The following STEAP3 variants were observed in gnomAD, a reference collection of about 807,000 sequenced individuals.
The protein encoded by STEAP3 is STEAP3 metalloreductase.
In STEAP3, 35 loss-of-function variants were observed where a neutral mutation model predicts 34.9. The ratio of observed to expected loss-of-function variants is 1.00; its 90% CI spans 0.76 to 1.33. The LOEUF is 1.33. Among genes scored for constraint, STEAP3 ranks in the 40% most tolerant of loss-of-function variants. The probability of loss-of-function intolerance (pLI) is 0.00; values close to 1 mark genes in which losing one functional copy is unlikely to be tolerated. For missense variants in STEAP3, 652 were observed against 667.6 expected, an observed-to-expected ratio of 0.98 and a Z score of 0.26; for synonymous variants, 281 against 301.6, an observed-to-expected ratio of 0.93 and a Z score of 0.71.
At chr2:119,245,046 A>G (rs781621297) in intron 2 of STEAP3, 7 of 175,106 alleles carry the variant, frequency 4.0e-5, no homozygotes, top group Non-Finnish European at 8.7e-5. Flanking sequence ...AAGCATAGGG[A>G]CATGCTCACC....
At chr2:119,250,764 T>G (rs1396595256) in intron 4 of STEAP3, among the ~76,000 whole-genome samples, 1 of 152,116 alleles carries the variant, frequency 6.6e-6, no homozygotes, top group African/African-American at 2.4e-5. Context: ...GTTAACCCAA[T>G]TCTGCCCTGA....
intron 5 of STEAP3, 125 bp from the exon 6 acceptor site, chr2:119,262,932 A>T (rs1430009661): frequency 2.7e-5 from 36 of 1,313,246 alleles, no homozygotes; most frequent in Non-Finnish European, 3.6e-5. Context: ...TGGGGTTCCA[A>T]CCCATAGCGG....
At chr2:119,243,501 T>C (rs947749442) in intron 2 of STEAP3, among the ~76,000 whole-genome samples, 9 of 152,174 alleles carry the variant, frequency 5.9e-5, no homozygotes, top group African/African-American at 2.2e-4. Flanking sequence ...CTCAGTTCCC[T>C]CCTCTGTAAA....
intron 2 of STEAP3, among the ~76,000 whole-genome samples, chr2:119,242,090 A>G (rs2104811558): frequency 6.6e-6 from 1 of 152,268 alleles, no homozygotes; most frequent in Admixed American, 6.5e-5. Flanking sequence ...CTAGATTGTA[A>G]GCCCTCAGGG....
chr2:119,248,436 G>A (rs962391872), intron 4 of STEAP3: 2 of 562,472 alleles, frequency 3.6e-6, no homozygotes, highest in Non-Finnish European at 6.2e-6. Flanking sequence ...CCCAGTTGGG[G>A]CAGACTTAAA....
intron 2 of STEAP3, among the ~76,000 whole-genome samples, chr2:119,232,412 C>T (rs1342073217): frequency 1.3e-5 from 2 of 152,218 alleles, no homozygotes; most frequent in African/African-American, 2.4e-5. Flanking sequence ...TCCCCGACTT[C>T]GCCTCGCTGG....
chr2:119,224,895 G>A (rs1026306119), intron 1 of STEAP3, among the ~76,000 whole-genome samples: 1 of 152,182 alleles, frequency 6.6e-6, no homozygotes, highest in Non-Finnish European at 1.5e-5. Context: ...TTAAAAATGG[G>A]GAAACAGCCT....
At chr2:119,231,800 GAGTCCATC>G (rs1414878843) in intron 2 of STEAP3, among the ~76,000 whole-genome samples, 2 of 152,090 alleles carry the variant, frequency 1.3e-5, no homozygotes, top group Non-Finnish European at 2.9e-5. Flanking sequence ...ACGTTTGTAA[GAGTCCATC>G]AGAAAGGGAA....
rs838100 is a variant in STEAP3 at position 119,230,989 on chromosome 2, G to A, written c.-24G>A. On this transcript the variant is annotated 5_prime_UTR_variant, in exon 2 of 6. Coordinates refer to ENST00000393110, the MANE Select transcript of STEAP3 (RefSeq NM_182915.3). ...GGTGAGGCTGTCGAGTGACCTGAGA[G>A]CCTCAGACCCTCACGTCAGCCGGAT... is the stretch of plus-strand genomic sequence containing the variant. The A allele has an allele frequency of 0.39, 627,854 of 1,613,748 alleles. 126,453 individuals carry two copies. The highest frequency in any genetic ancestry group is 0.42 in the Non-Finnish European group (500,071 of 1,179,744).
In STEAP3 at chr2:119,263,286, A is replaced by G; in HGVS notation, c.1445A>G (p.Lys482Arg). 6.2e-7 allele frequency: 1 copy of G among 1,613,886 alleles called. No homozygotes were observed. Among genetic ancestry groups the G allele is most frequent in the Non-Finnish European group, 8.5e-7 (1 of 1,179,988 alleles). Residue 482 changes from lysine to arginine, a missense_variant, in exon 6 of 6, where the codon AAG becomes AGG. By Grantham distance (26) the Lys-to-Arg change is conservative (BLOSUM62 2). Transcript: ENST00000393110. ...RRGWERESTI[K>R]FTLPTDHALA... ...GGCTGGGAGAGGGAGAGCACCATCA[A>G]GTTCACGCTGCCCACAGACCACGCC...
chr2:119,248,260 CACCT>C, intron 4 of STEAP3, 54 bp downstream of exon 4: 1 of 1,454,264 alleles, frequency 6.9e-7, no homozygotes, highest in African/African-American at 1.5e-5. Context: ...GCTTGTCCAG[CACCT>C]CCCCCCCCCA....
intron 2 of STEAP3, among the ~76,000 whole-genome samples, chr2:119,243,784 C>G (rs1202702111): frequency 6.6e-6 from 1 of 152,220 alleles, no homozygotes; most frequent in African/African-American, 2.4e-5. Context: ...TGAAGACACA[C>G]AGCTGCTTCA....
intron 3 of STEAP3, among the ~76,000 whole-genome samples, chr2:119,247,157 A>C (rs1012839665): frequency 2.0e-5 from 3 of 152,106 alleles, no homozygotes; most frequent in Admixed American, 1.3e-4. Flanking sequence ...CGGAGAGGGC[A>C]GGCTGGAGCT....
chr2:119,248,175 G>T lies in STEAP3; in HGVS notation c.1019G>T (p.Arg340Leu). Reference sequence around the variant, plus strand: ...TGCTTGCCGCTGCGCCGCGCCCACCGCTACGACCTGGTCAACCTGGCAGTC... The same window carrying T: ...TGCTTGCCGCTGCGCCGCGCCCACCTCTACGACCTGGTCAACCTGGCAGTC... ...SFCLPLRRAHRYDLVNLAVKQ... is the reference protein window; with the variant it reads ...SFCLPLRRAHLYDLVNLAVKQ... The change falls in exon 4 of 6, where the codon CGC becomes CTC. Residue 340 changes from arginine (R) to leucine (L), a missense_variant. By Grantham distance (102) the Arg-to-Leu change is moderately radical. Coordinates refer to ENST00000393110, the MANE Select transcript of STEAP3 (RefSeq NM_182915.3). The T allele has an allele frequency of 6.3e-7, 1 of 1,597,204 alleles. No individual in the cohort carries two copies.
chr2:119,230,253 G>A (rs1011146179), intron 1 of STEAP3, among the ~76,000 whole-genome samples: 5 of 152,114 alleles, frequency 3.3e-5, no homozygotes, highest in African/African-American at 4.8e-5. Context: ...GGCCTCCAAG[G>A]TCCACTGAAA....
intron 2 of STEAP3, among the ~76,000 whole-genome samples, chr2:119,243,271 A>G (rs926492956): frequency 2.6e-5 from 4 of 152,228 alleles, no homozygotes; most frequent in South Asian, 2.1e-4. Flanking sequence ...GACTCTTGAC[A>G]TTGAGAATGC....
intron 2 of STEAP3, among the ~76,000 whole-genome samples, chr2:119,231,602 G>T (rs1443759161): frequency 6.6e-6 from 1 of 152,086 alleles, no homozygotes; most frequent in Non-Finnish European, 1.5e-5. Context: ...TTGTGTGACG[G>T]TAAACTCTTT....
intron 2 of STEAP3, among the ~76,000 whole-genome samples, chr2:119,236,392 G>T (rs1677095237): frequency 6.6e-6 from 1 of 152,210 alleles, no homozygotes; most frequent in Non-Finnish European, 1.5e-5. Flanking sequence ...AAGTGGTCTG[G>T]TGGGATATGA....
rs1390906387 is a variant in STEAP3, at chr2:119,247,837, G to C, written c.681G>C (p.Leu227=). The C allele has an allele frequency of 1.9e-6, 3 of 1,613,172 alleles. No individual in the cohort carries two copies. Among genetic ancestry groups the C allele is most frequent in the African/African-American group, 1.3e-5 (1 of 74,934 alleles). The change falls in exon 4 of 6, where the codon CTG becomes CTC. Residue 227 remains leucine (L), a synonymous_variant. Coordinates refer to ENST00000393110, the MANE Select transcript of STEAP3 (RefSeq NM_182915.3). The part of the protein sequence containing the change: ...RLLPAWKVPT[L]LALGLFVCFY... The stretch of plus-strand genomic sequence containing the variant: ...TCCCGGCCTGGAAGGTGCCCACCCT[G>C]CTGGCCCTGGGGCTCTTCGTCTGCT...
Sources: allele counts gnomAD v4.1 joint callset (sites outside exome capture counted in the v4.1 genomes callset), GRCh38; gene constraint gnomAD v4.1.1; transcripts MANE v1.5; gene names NCBI Gene and HGNC (gene_info 2026-07-23, HGNC 2026-07-21).